Variants in SNPH observed in about 807,000 individuals in gnomAD.
The protein encoded by SNPH is syntaphilin.
SNPH carries 10 observed loss-of-function variants against 36.8 expected under a neutral mutation model. That is an observed-to-expected ratio of 0.27 (90% confidence interval 0.17 to 0.46). SNPH has a LOEUF of 0.46. Among genes scored for constraint, SNPH ranks in the 20% least tolerant of loss-of-function variants. The pLI, the probability that SNPH is intolerant of heterozygous loss-of-function variation, is 1.00. For synonymous variants in SNPH, 281 were observed against 312.2 expected (o/e 0.90, Z 1.05); for missense variants, 622 against 744.0 (o/e 0.84, Z 1.91).
chr20:1,304,045 T>C lies in SNPH; in HGVS notation c.441-833T>C, dbSNP rs1409859712. On this transcript the variant is annotated intron_variant, in intron 6 of 6. Transcript: ENST00000381867. The surrounding 1 kb of genome is among the most constrained non-coding windows in gnomAD (Gnocchi z 4.3). ...CCCTCCCCTTGCACCCCTGGATTCA[T>C]CTGTGACTCGGGAATTTGAAAAGCC... Among the ~76,000 whole-genome samples, 1 of 152,174 alleles carries C rather than the reference T, an allele frequency of 6.6e-6. No homozygotes were observed. The highest frequency in any genetic ancestry group is 1.5e-5 in the Non-Finnish European group (1 of 68,018).
intron 6 of SNPH, among the ~76,000 whole-genome samples, chr20:1,301,118 C>T (rs1469823958): frequency 2.6e-5 from 4 of 152,202 alleles, no homozygotes; most frequent in Admixed American, 2.0e-4. Context: ...CTTTATCCTT[C>T]CTCGCTTCCT....
rs2088428980 is a variant in SNPH at position 1,296,159 on chromosome 20, T to A, written c.-81T>A. 1.6e-6 allele frequency: 2 copies of A among 1,260,902 alleles called. No individual in the cohort carries two copies. Among genetic ancestry groups the A allele is most frequent in the Non-Finnish European group, 2.1e-6 (2 of 937,212 alleles). The allele number at this position is 1,260,902 out of a possible 1,614,324, so 78.1% of individuals were successfully genotyped here. On this transcript the variant is annotated 5_prime_UTR_variant, in exon 4 of 7. Transcript: ENST00000381867. Reference sequence around the variant, plus strand: ...GGTGGGAACCTGTGCACCAGCCCTATTCAATTCACTGGTGGAGGCAGCCGT... The same window carrying A: ...GGTGGGAACCTGTGCACCAGCCCTAATCAATTCACTGGTGGAGGCAGCCGT...
intron 2 of SNPH, among the ~76,000 whole-genome samples, chr20:1,280,627 A>ACCTGAGTCATGCCTTAGGT (rs1339869481): frequency 9.9e-5 from 15 of 152,274 alleles, no homozygotes; most frequent in Non-Finnish European, 1.9e-4. Flanking sequence ...TCTGAGTCAT[A>ACCTGAGTCATGCCTTAGGT]CTGAGTGGCA....
chr20:1,299,243 G>A (rs532394109), intron 5 of SNPH, among the ~76,000 whole-genome samples: 3 of 152,238 alleles, frequency 2.0e-5, no homozygotes, highest in East Asian at 3.9e-4. Context: ...CCTCCAGCTC[G>A]GCTGCTTCAG....
At chr20:1,292,701 G>C (rs1568546237) in intron 2 of SNPH, among the ~76,000 whole-genome samples, 1 of 152,088 alleles carries the variant, frequency 6.6e-6, no homozygotes, top group Admixed American at 6.6e-5. Flanking sequence ...TGTGTGGCCT[G>C]CCCCCCTCCT....
chr20:1,290,522 C>T (rs1311431459), intron 2 of SNPH, among the ~76,000 whole-genome samples: 1 of 152,194 alleles, frequency 6.6e-6, no homozygotes, highest in Non-Finnish European at 1.5e-5. Context: ...ATCAGTAATA[C>T]TTCATTCCTT....
rs2088279996 is a variant in SNPH at position 1,285,997 on chromosome 20, G to A, written c.-492-8954G>A. The stretch of plus-strand genomic sequence containing the variant: ...GTAGTCCCAGCTACTGGCTGAGGCA[G>A]GAGAATTGCTTGAACCCTGGAGGCG... On this transcript the variant is annotated intron_variant, in intron 2 of 6. Coordinates refer to ENST00000381867, the MANE Select transcript of SNPH (RefSeq NM_001318234.2). This position sits in a 1 kb window ranked among gnomAD's most constrained non-coding sequence, Gnocchi z 4.9. Among the ~76,000 whole-genome samples the A allele has an allele frequency of 6.6e-6, 1 of 151,026 alleles. No individual in the cohort carries two copies. The highest frequency in any genetic ancestry group is 2.4e-5 in the African/African-American group (1 of 40,940).
chr20:1,300,682 G>A lies in SNPH; in HGVS notation c.411G>A (p.Leu137=). 1 of 1,612,442 alleles carries A rather than the reference G, an allele frequency of 6.2e-7. No individual in the cohort carries two copies. Among genetic ancestry groups the A allele is most frequent in the Non-Finnish European group, 8.5e-7 (1 of 1,179,978 alleles). The change falls in exon 6 of 7, where the codon CTG becomes CTA. Residue 137 remains leucine, a synonymous_variant. Transcript: ENST00000381867. ...EVCIRHLKAR[L]KDTQDRLQDR... is the part of the protein sequence containing the mutation. The stretch of plus-strand genomic sequence containing the variant: ...GCATCCGGCACCTGAAAGCCCGGCT[G>A]AAGGACACACAGGACCGGCTCCAGG...
At chr20:1,280,047 G>A (rs949770629) in intron 2 of SNPH, among the ~76,000 whole-genome samples, 8 of 152,196 alleles carry the variant, frequency 5.3e-5, no homozygotes, top group African/African-American at 1.9e-4. Flanking sequence ...TATTCAGTAA[G>A]GAAGGTTTGT....
rs778767891 is a variant in SNPH at position 1,304,286 on chromosome 20, T to C, written c.441-592T>C. On this transcript the variant is annotated intron_variant, in intron 6 of 6. Transcript: ENST00000381867. The surrounding 1 kb of genome is among the most constrained non-coding windows in gnomAD (Gnocchi z 4.3). Reference sequence around the variant, plus strand: ...ACTCTCCCGTTCCACCCACCACTTCTCATCGCTCTGCATGAGGGATGATGT... The same window carrying C: ...ACTCTCCCGTTCCACCCACCACTTCCCATCGCTCTGCATGAGGGATGATGT... Among the ~76,000 whole-genome samples the C allele has an allele frequency of 6.6e-6, 1 of 152,156 alleles. No individual in the cohort carries two copies. The highest frequency in any genetic ancestry group is 1.5e-5 in the Non-Finnish European group (1 of 68,028).
intron 2 of SNPH, among the ~76,000 whole-genome samples, chr20:1,282,738 A>G (rs2088240352): frequency 6.6e-6 from 1 of 152,238 alleles, no homozygotes. Context: ...CATACGGGAA[A>G]GAAATTACTG....
In SNPH at chr20:1,300,698, C is replaced by A. The variant is rs1382190275; in HGVS notation, c.427C>A (p.Arg143=). 6.2e-7 allele frequency: 1 copy of A among 1,611,424 alleles called. No individual in the cohort carries two copies. Among genetic ancestry groups the A allele is most frequent in the South Asian group, 1.1e-5 (1 of 90,892 alleles). ...LKARLKDTQD[R]LQDRDTEIDD... ...AGCCCGGCTGAAGGACACACAGGAC[C>A]GGCTCCAGGACCGGTGAGCGGGTGG... Residue 143 remains arginine (R), a synonymous_variant, in exon 6 of 7, where the codon CGG becomes AGG. Transcript: ENST00000381867.
At chr20:1,288,631 T>C (rs1568544432) in intron 2 of SNPH, among the ~76,000 whole-genome samples, 1 of 150,638 alleles carries the variant, frequency 6.6e-6, no homozygotes, top group African/African-American at 2.4e-5. Flanking sequence ...TTTTTTCTTT[T>C]TTTTTTTGAG....
chr20:1,296,102 C>G lies in SNPH; in HGVS notation c.-138C>G, dbSNP rs1568547550. 1.5e-6 allele frequency: 1 copy of G among 669,760 alleles called. No homozygotes were observed. Among genetic ancestry groups the G allele is most frequent in the East Asian group, 3.3e-5 (1 of 30,762 alleles). 41.5% of individuals were successfully genotyped at this position (669,760 alleles called of 1,614,324 possible). A position where few individuals can be genotyped will look rare whatever the true frequency, so the allele number is the denominator to read the frequency against. ...ACAGGGTTGGACTGATTACTTTTAG[C>G]CACTCCTGACAGTTGTGGTTTTAAG... is the stretch of plus-strand genomic sequence containing the variant. On this transcript the variant is annotated 5_prime_UTR_variant, in exon 4 of 7. Coordinates refer to ENST00000381867, the MANE Select transcript of SNPH (RefSeq NM_001318234.2).
chr20:1,305,172 C>T lies in SNPH; in HGVS notation c.735C>T (p.Ala245=), dbSNP rs376543479. 23 of 1,612,748 alleles carry T rather than the reference C, an allele frequency of 1.4e-5. No homozygotes were observed. The highest frequency in any genetic ancestry group is 3.3e-4 in the Middle Eastern group (2 of 6,058). The part of the protein sequence containing the change: ...MAKEDGTGES[A]GGSPARSLTR... ...AGGAGGATGGCACTGGGGAGTCAGC[C>T]GGTGGGTCCCCTGCCCGCTCCCTCA... Residue 245 remains alanine (A), a synonymous_variant, in exon 7 of 7, where the codon GCC becomes GCT. Transcript: ENST00000381867.
In SNPH at chr20:1,294,721, C is replaced by T. The variant is rs555285684; in HGVS notation, c.-492-230C>T. On this transcript the variant is annotated intron_variant, in intron 2 of 6. Transcript: ENST00000381867. The surrounding 1 kb of genome is among the most constrained non-coding windows in gnomAD (Gnocchi z 4.4). ...CCTTTGTCCACTCAGGAGGCAGCCC[C>T]GCCGCTGGCTGGGATGACCAGGCTC... 2.9e-4 allele frequency among the ~76,000 whole-genome samples: 44 copies of T among 152,310 alleles called. No homozygotes were observed. Among genetic ancestry groups the T allele is most frequent in the African/African-American group, 8.9e-4 (37 of 41,570 alleles).
At chr20:1,303,334 C>T (rs1024980186) in intron 6 of SNPH, among the ~76,000 whole-genome samples, 3 of 152,214 alleles carry the variant, frequency 2.0e-5, no homozygotes, top group South Asian at 2.1e-4. Flanking sequence ...GGACAGGGCT[C>T]GAAGCCATGG....
chr20:1,266,704 C>A lies in SNPH; in HGVS notation c.-549C>A. On this transcript the variant is annotated 5_prime_UTR_variant, in exon 2 of 7. Transcript: ENST00000381867. This position sits in a 1 kb window ranked among gnomAD's most constrained non-coding sequence, Gnocchi z 6.0. ...CAGCAGCGACTGCAGAGGCGCTGCG[C>A]CAAGCCGGGCCGGAGTGGTGCGAGC... 1 of 1,439,028 alleles carries A rather than the reference C, an allele frequency of 6.9e-7. No individual in the cohort carries two copies. The allele number at this position is 1,439,028 out of a possible 1,614,324, so 89.1% of individuals were successfully genotyped here. A position where few individuals can be genotyped will look rare whatever the true frequency, so the allele number is the denominator to read the frequency against.
intron 2 of SNPH, among the ~76,000 whole-genome samples, chr20:1,279,138 C>G (rs1302802522): frequency 6.6e-6 from 1 of 152,058 alleles, no homozygotes; most frequent in Non-Finnish European, 1.5e-5. Flanking sequence ...TTTTTACTGC[C>G]CAAGTGTTTC....
Sources: allele counts gnomAD v4.1 joint callset (sites outside exome capture counted in the v4.1 genomes callset), GRCh38; gene constraint gnomAD v4.1.1; non-coding constraint Gnocchi (gnomAD v3.1); transcripts MANE v1.5; gene names NCBI Gene and HGNC (gene_info 2026-07-23, HGNC 2026-07-21).